KIAA1328: variants seen among roughly 807,000 people sequenced by gnomAD.
The protein encoded by KIAA1328 is KIAA1328, also known as protein hinderin.
A neutral mutation model predicts 68.1 loss-of-function variants in KIAA1328; 52 were observed. That is an observed-to-expected ratio of 0.76 (90% CI 0.61 to 0.96). The LOEUF is 0.96. KIAA1328 is among the 40% of genes least tolerant of loss of function. KIAA1328 has a pLI of 0.00. For missense variants in KIAA1328, 641 were observed against 677.6 expected, an observed-to-expected ratio of 0.95 and a Z score of 0.60; for synonymous variants, 232 against 239.4, an observed-to-expected ratio of 0.97 and a Z score of 0.28.
intron 7 of KIAA1328, among the ~76,000 whole-genome samples, chr18:37,110,268 C>G (rs1390920796): frequency 6.6e-6 from 1 of 152,002 alleles, no homozygotes; most frequent in Non-Finnish European, 1.5e-5. Flanking sequence ...TGCAGTGTTT[C>G]ACTTATACTA....
intron 5 of KIAA1328, among the ~76,000 whole-genome samples, chr18:36,950,172 GA>G (rs1412207843): frequency 6.6e-6 from 1 of 152,062 alleles, no homozygotes; most frequent in African/African-American, 2.4e-5. Context: ...TCAAAAGGGA[GA>G]AAAGAAAATG....
chr18:37,022,342 A>G (rs937889124), intron 6 of KIAA1328, among the ~76,000 whole-genome samples: 1 of 152,200 alleles, frequency 6.6e-6, no homozygotes, highest in African/African-American at 2.4e-5. Flanking sequence ...AGAAAACAGG[A>G]TTAGAACCGT....
intron 9 of KIAA1328, among the ~76,000 whole-genome samples, chr18:37,185,691 A>C (rs78328413): frequency 1.3e-5 from 2 of 151,236 alleles, no homozygotes; most frequent in Non-Finnish European, 2.9e-5. Context: ...ATATTTAAAT[A>C]TATATATACG....
At chr18:36,997,936 G>A (rs960877446) in intron 6 of KIAA1328, among the ~76,000 whole-genome samples, 6 of 152,112 alleles carry the variant, frequency 3.9e-5, no homozygotes, top group Non-Finnish European at 5.9e-5. Context: ...AGAAGGATGT[G>A]CCTTCCCCAC....
At chr18:36,989,318 C>A (rs1217699665) in intron 6 of KIAA1328, among the ~76,000 whole-genome samples, 5 of 152,084 alleles carry the variant, frequency 3.3e-5, no homozygotes, top group Admixed American at 6.5e-5. Context: ...GCTTTAAAAG[C>A]ACAAGAGAAA....
intron 7 of KIAA1328, among the ~76,000 whole-genome samples, chr18:37,093,064 T>C (rs2057309639): frequency 1.3e-5 from 2 of 152,138 alleles, no homozygotes; most frequent in South Asian, 4.1e-4. Flanking sequence ...CTAAAAATCA[T>C]GAAGACTACA....
chr18:37,089,733 C>G (rs1599225891), intron 7 of KIAA1328, among the ~76,000 whole-genome samples: 1 of 152,002 alleles, frequency 6.6e-6, no homozygotes, highest in East Asian at 1.9e-4. Context: ...CTTTTCTTAA[C>G]AATAAAAATT....
intron 7 of KIAA1328, among the ~76,000 whole-genome samples, chr18:37,147,313 G>A (rs548466770): frequency 7.2e-5 from 11 of 152,226 alleles, no homozygotes; most frequent in Admixed American, 3.3e-4. Flanking sequence ...AGTTCAACAT[G>A]TGGGCCATCT....
chr18:37,007,184 T>G (rs1778127348), intron 6 of KIAA1328, among the ~76,000 whole-genome samples: 2 of 152,290 alleles, frequency 1.3e-5, no homozygotes, highest in Admixed American at 1.3e-4. Context: ...GACATCAAGC[T>G]CCTTTGAGTA....
Position 37,223,046 on chromosome 18 carries a change from C to CGGGGGGGGGGGGGGGGCG in KIAA1328, c.*819_*820insGGGGGGGGGGGGGGGGCG. ...TATTTACCCAAGTGTTCAGCTTATT[C>CGGGGGGGGGGGGGGGGCG]ACCCCACCCCCCCACCCCCCATCAC... On this transcript the variant is annotated 3_prime_UTR_variant, in exon 10 of 10. Coordinates refer to ENST00000280020, the MANE Select transcript of KIAA1328 (RefSeq NM_020776.3). The CGGGGGGGGGGGGGGGGCG allele has an allele frequency of 1.1e-6, 1 of 881,426 alleles. No homozygotes were observed. The highest frequency in any genetic ancestry group is 1.3e-6 in the Non-Finnish European group (1 of 743,502). The allele number at this position is 881,426 out of a possible 1,614,324, so 54.6% of individuals were successfully genotyped here.
chr18:37,217,735 T>C (rs1434384999), intron 9 of KIAA1328, among the ~76,000 whole-genome samples: 1 of 152,234 alleles, frequency 6.6e-6, no homozygotes, highest in Non-Finnish European at 1.5e-5. Flanking sequence ...ATTGGGGAAA[T>C]TCACCTGCAT....
At chr18:37,155,341 T>C (rs1257516470) in intron 7 of KIAA1328, among the ~76,000 whole-genome samples, 1 of 152,186 alleles carries the variant, frequency 6.6e-6, no homozygotes, top group Non-Finnish European at 1.5e-5. Context: ...TTGAAATATC[T>C]TCTCAGATGT....
chr18:37,084,156 G>T (rs563349450), intron 7 of KIAA1328: 5 of 1,516,928 alleles, frequency 3.3e-6, no homozygotes, highest in Non-Finnish European at 4.4e-6. Context: ...TAAGTCGAGA[G>T]AACTGGTTGC....
chr18:37,140,758 A>C (rs2058748896), intron 7 of KIAA1328, among the ~76,000 whole-genome samples: 1 of 152,286 alleles, frequency 6.6e-6, no homozygotes, highest in South Asian at 2.1e-4. Flanking sequence ...ATCAGATGCT[A>C]AATAAGAATG....
At chr18:36,959,270 C>A (rs776188979) in intron 5 of KIAA1328, 38 bp from the exon 6 acceptor site, 60 of 1,526,526 alleles carry the variant, frequency 3.9e-5, no homozygotes, top group Non-Finnish European at 5.3e-5. Context: ...CAGTTTGAAT[C>A]AATTTTTCAG....
chr18:37,049,398 A>G (rs1245760790), intron 6 of KIAA1328, among the ~76,000 whole-genome samples: 1 of 152,240 alleles, frequency 6.6e-6, no homozygotes, highest in Non-Finnish European at 1.5e-5. Context: ...TTTGAGCACT[A>G]GGAAACTCAT....
intron 4 of KIAA1328, among the ~76,000 whole-genome samples, chr18:36,845,223 A>G (rs774752753): frequency 2.0e-5 from 3 of 151,798 alleles, no homozygotes; most frequent in Non-Finnish European, 4.4e-5. Context: ...GCTACCTGAG[A>G]TAAGTAGTAA....
At chr18:37,137,817 C>A (rs375621687) in intron 7 of KIAA1328, among the ~76,000 whole-genome samples, 1 of 152,142 alleles carries the variant, frequency 6.6e-6, no homozygotes. Context: ...TATCTCTATG[C>A]CAGTAACTCT....
intron 7 of KIAA1328, among the ~76,000 whole-genome samples, chr18:37,098,627 T>C (rs186145955): frequency 3.6e-3 from 541 of 152,334 alleles, no homozygotes; most frequent in Admixed American, 6.0e-3. Context: ...TTCTATTGAC[T>C]GGAATAGTTT....
Sources: gnomAD v4.1 joint callset for allele counts (sites outside exome capture counted in the v4.1 genomes callset) on GRCh38, gnomAD v4.1.1 for gene constraint, MANE v1.5 for transcripts, NCBI Gene and HGNC (gene_info 2026-07-23, HGNC 2026-07-21) for gene names.